The following ZFPM2 variants were observed in gnomAD, a reference collection of about 807,000 sequenced individuals.
The protein encoded by ZFPM2 is zinc finger protein, FOG family member 2, also known as zinc finger protein ZFPM2.
ZFPM2 carries 20 observed loss-of-function variants against 98.6 expected under a neutral mutation model. The observed-to-expected ratio is 0.20, with a 90% CI of 0.14 to 0.29. ZFPM2 has a LOEUF of 0.29. Among genes scored for constraint, ZFPM2 ranks in the 10% least tolerant of loss-of-function variants. ZFPM2 has a pLI of 1.00. For synonymous variants in ZFPM2, 518 were observed against 502.7 expected (o/e 1.03, Z -0.41); for missense variants, 1,310 against 1,388.6 (o/e 0.94, Z 0.90).
intron 5 of ZFPM2, among the ~76,000 whole-genome samples, chr8:105,640,644 T>C: frequency 6.6e-6 from 1 of 152,066 alleles, no homozygotes; most frequent in Admixed American, 6.6e-5. Flanking sequence ...CTAAATTAAA[T>C]TTTCAAAACA....
intron 1 of ZFPM2, among the ~76,000 whole-genome samples, chr8:105,325,655 A>C (rs1287716516): frequency 2.0e-5 from 3 of 151,748 alleles, no homozygotes; most frequent in African/African-American, 7.3e-5. Flanking sequence ...AACTCTAAGA[A>C]CATTGATTTA....
chr8:105,669,976 G>A (rs865921959), intron 5 of ZFPM2: 1 of 152,168 alleles, frequency 6.6e-6, no homozygotes, highest in Non-Finnish European at 1.5e-5. Context: ...GATAAATAGA[G>A]AAAGTGCAGA....
chr8:105,488,650 G>C lies in ZFPM2; in HGVS notation c.301+44269G>C, dbSNP rs576033080. ...ATGGTGGTGCGCGCCTGTAGTCCCAGCTACTCAGGAGGCTGAGGCAGAAGA... is the reference window on the plus strand; with the variant it reads ...ATGGTGGTGCGCGCCTGTAGTCCCACCTACTCAGGAGGCTGAGGCAGAAGA... On this transcript the variant is annotated intron_variant, in intron 3 of 7. Coordinates refer to ENST00000407775, the MANE Select transcript of ZFPM2 (RefSeq NM_012082.4). Among the ~76,000 whole-genome samples the C allele has an allele frequency of 2.0e-5, 3 of 152,200 alleles. No homozygotes were observed. The South Asian group carries it at 6.2e-4, about 32-fold the overall frequency.
chr8:105,548,030 G>A (rs907960673), intron 3 of ZFPM2, among the ~76,000 whole-genome samples: 5 of 151,858 alleles, frequency 3.3e-5, no homozygotes, highest in Non-Finnish European at 7.4e-5. Flanking sequence ...CATCACATAG[G>A]TAATTTATAT....
intron 1 of ZFPM2, among the ~76,000 whole-genome samples, chr8:105,346,545 G>C (rs1211554679): frequency 1.3e-5 from 2 of 152,118 alleles, no homozygotes; most frequent in East Asian, 3.9e-4. Context: ...AGTTATGACA[G>C]ATATATGTGT....
chr8:105,647,988 C>T (rs1185761413), intron 5 of ZFPM2, among the ~76,000 whole-genome samples: 1 of 152,138 alleles, frequency 6.6e-6, no homozygotes, highest in African/African-American at 2.4e-5. Context: ...GTTTAGAGTC[C>T]CACCAACAGT....
chr8:105,773,987 G>A (rs1255453734), intron 5 of ZFPM2, among the ~76,000 whole-genome samples: 1 of 152,138 alleles, frequency 6.6e-6, no homozygotes, highest in East Asian at 1.9e-4. Flanking sequence ...TTTCTAGAAA[G>A]AATTAGACTT....
At chr8:105,650,361 C>T (rs553363822) in intron 5 of ZFPM2, among the ~76,000 whole-genome samples, 1 of 151,940 alleles carries the variant, frequency 6.6e-6, no homozygotes, top group African/African-American at 2.4e-5. Context: ...AAGGGTTTTT[C>T]GTGTCTCTAT....
chr8:105,521,843 C>T (rs1814068741), intron 3 of ZFPM2, among the ~76,000 whole-genome samples: 1 of 152,164 alleles, frequency 6.6e-6, no homozygotes, highest in African/African-American at 2.4e-5. Flanking sequence ...TCCCAAAGTG[C>T]TGGGATTACA....
intron 2 of ZFPM2, among the ~76,000 whole-genome samples, chr8:105,435,017 T>C (rs11997083): frequency 0.34 from 52,413 of 152,076 alleles, 11,394 homozygotes; most frequent in African/African-American, 0.62. Context: ...GCTTTTACTA[T>C]CTTACCAACA....
At chr8:105,678,001 A>T (rs112565329) in intron 5 of ZFPM2, among the ~76,000 whole-genome samples, 3 of 152,268 alleles carry the variant, frequency 2.0e-5, no homozygotes, top group African/African-American at 4.8e-5. Context: ...GGATTTTTTT[A>T]AAGTATTTAC....
At chr8:105,762,540 G>GT (rs1204353847) in intron 5 of ZFPM2, among the ~76,000 whole-genome samples, 2 of 151,976 alleles carry the variant, frequency 1.3e-5, no homozygotes, top group Non-Finnish European at 2.9e-5. Flanking sequence ...CAATGCCAGT[G>GT]TAACAGATGG....
At chr8:105,651,296 T>G (rs1194134159) in intron 5 of ZFPM2, among the ~76,000 whole-genome samples, 1 of 152,058 alleles carries the variant, frequency 6.6e-6, no homozygotes, top group Non-Finnish European at 1.5e-5. Context: ...CATACTCAAT[T>G]GTTTAAAGTT....
intron 1 of ZFPM2, among the ~76,000 whole-genome samples, chr8:105,364,270 TG>T (rs543119904): frequency 6.6e-6 from 1 of 152,148 alleles, no homozygotes; most frequent in African/African-American, 2.4e-5. Context: ...ATTGGTTGAT[TG>T]GGGGAGGGGA....
At chr8:105,639,508 G>A (rs1197060666) in intron 5 of ZFPM2, among the ~76,000 whole-genome samples, 6 of 151,880 alleles carry the variant, frequency 4.0e-5, no homozygotes, top group East Asian at 1.9e-4. Flanking sequence ...CTTTATATGC[G>A]AAGCCACAAT....
rs543596944 is a variant in ZFPM2 at position 105,478,395 on chromosome 8, T to C, written c.301+34014T>C. ...ATGCAAGTTTCTACTTATCCAACTTTATAGGAATGGAATGTGTCAAAAGAA... is the reference window on the plus strand; with the variant it reads ...ATGCAAGTTTCTACTTATCCAACTTCATAGGAATGGAATGTGTCAAAAGAA... On this transcript the variant is annotated intron_variant, in intron 3 of 7. Transcript: ENST00000407775. 2.6e-5 allele frequency among the ~76,000 whole-genome samples: 4 copies of C among 152,358 alleles called. 1 individual carries two copies. The highest frequency in any genetic ancestry group is 1.9e-4 in the East Asian group (1 of 5,186).
chr8:105,423,935 A>G (rs1811853489), intron 2 of ZFPM2, among the ~76,000 whole-genome samples: 2 of 152,194 alleles, frequency 1.3e-5, no homozygotes, highest in South Asian at 4.1e-4. Flanking sequence ...AAAATATGTG[A>G]ACAGGAAGAA....
At chr8:105,663,563 T>C (rs1275032409) in intron 5 of ZFPM2, among the ~76,000 whole-genome samples, 1 of 152,160 alleles carries the variant, frequency 6.6e-6, no homozygotes, top group Non-Finnish European at 1.5e-5. Context: ...TTTGCAACCT[T>C]ATAAAATGGC....
intron 3 of ZFPM2, among the ~76,000 whole-genome samples, chr8:105,489,466 A>ATATATATATATATATATATTTTTTTT (rs1554610604): frequency 1.7e-5 from 2 of 119,810 alleles, no homozygotes; most frequent in African/African-American, 7.2e-5. Context: ...ATATATATAT[A>ATATATATATATATATATATTTTTTTT]TTTTTTTTTT....
Sources: gnomAD v4.1 joint callset for allele counts (sites outside exome capture counted in the v4.1 genomes callset) on GRCh38, gnomAD v4.1.1 for gene constraint, MANE v1.5 for transcripts, NCBI Gene and HGNC (gene_info 2026-07-23, HGNC 2026-07-21) for gene names.